NPM3: variants seen among roughly 807,000 people sequenced by gnomAD.
NPM3 encodes nucleoplasmin-3.
In NPM3, 12 loss-of-function variants were observed where a neutral mutation model predicts 18.1. The ratio of observed to expected loss-of-function variants is 0.66; its 90% confidence interval spans 0.42 to 1.07. NPM3 has a LOEUF of 1.07. Among genes scored for constraint, NPM3 ranks in the 50% least tolerant of loss-of-function variants. NPM3 has a pLI of 0.00. For missense variants in NPM3, 274 were observed against 232.1 expected (o/e 1.18, Z -1.17); for synonymous variants, 116 against 93.7 (o/e 1.24, Z -1.38).
intron 1 of NPM3, 93 bp downstream of exon 1, chr10:101,783,180 C>T: frequency 9.7e-7 from 1 of 1,026,030 alleles, no homozygotes; most frequent in South Asian, 1.5e-5. Flanking sequence ...GCCCTCCGCC[C>T]ACACCCACGC....
chr10:101,782,358 G>A lies in NPM3; in HGVS notation c.325-7C>T, dbSNP rs754479783. The A allele has an allele frequency of 2.5e-5, 40 of 1,613,390 alleles. No individual in the cohort carries two copies. The highest frequency in any genetic ancestry group is 1.1e-4 in the East Asian group (5 of 44,860). On this transcript the variant is annotated splice_polypyrimidine_tract_variant and splice_region_variant and intron_variant, in intron 3 of 5. Transcript: ENST00000370110. ...GGAAGTCATCCAGACTGAGCTGGGA[G>A]GAAGACAAGGATGAAGGCCTGGCCC...
At chr10:101,783,168 C>T in intron 1 of NPM3, 105 bp downstream of exon 1, 1 of 950,618 alleles carries the variant, frequency 1.1e-6, no homozygotes, top group Non-Finnish European at 1.6e-6. Flanking sequence ...AACAGCGAAG[C>T]AGCCCTCCGC....
intron 1 of NPM3, 96 bp downstream of exon 1, chr10:101,783,177 G>T: frequency 2.0e-6 from 2 of 1,003,162 alleles, no homozygotes; most frequent in South Asian, 1.5e-5. Flanking sequence ...GCAGCCCTCC[G>T]CCCACACCCA....
exon 4 of NPM3, chr10:101,782,335 A>AAGTCATCCAGACTGAGCTGGG (rs1589817543): frequency 6.2e-7 from 1 of 1,613,936 alleles, no homozygotes; most frequent in Non-Finnish European, 8.5e-7. Flanking sequence ...TTGGAGCTGG[A>AAGTCATCCAGACTGAGCTGGG]AGTCATCCAG....
At chr10:101,783,207 T>C in intron 1 of NPM3, 66 bp downstream of exon 1, 2 of 1,234,412 alleles carry the variant, frequency 1.6e-6, no homozygotes, top group East Asian at 2.4e-5. Context: ...ACCCTCCGCA[T>C]TCCCGCCTCA....
chr10:101,782,793 G>A (rs1395286727), intron 2 of NPM3, 46 bp downstream of exon 2: 7 of 1,601,782 alleles, frequency 4.4e-6, no homozygotes, highest in Non-Finnish European at 6.0e-6. Context: ...GACCTATATT[G>A]CCTGCCTGGG....
At chr10:101,783,285 T>G in exon 1 of NPM3, 1 of 1,606,192 alleles carries the variant, frequency 6.2e-7, no homozygotes, top group Non-Finnish European at 8.5e-7. Flanking sequence ...AAGAAAAAAC[T>G]GTCCATAGTG....
intron 1 of NPM3, 110 bp from the exon 2 acceptor site, chr10:101,783,034 G>A (rs1280733513): frequency 1.1e-6 from 1 of 936,592 alleles, no homozygotes; most frequent in East Asian, 2.5e-5. Flanking sequence ...TCATTTACAC[G>A]TCCACCTCCG....
intron 4 of NPM3, 123 bp downstream of exon 4, chr10:101,782,135 C>T (rs2065145798): frequency 2.1e-6 from 2 of 953,642 alleles, no homozygotes; most frequent in Non-Finnish European, 3.2e-6. Flanking sequence ...GCGTGGAGGG[C>T]ACACAGACCT....
At chr10:101,782,003 A>C in intron 4 of NPM3, 149 bp from the exon 5 acceptor site, 1 of 1,376,430 alleles carries the variant, frequency 7.3e-7, no homozygotes, top group East Asian at 2.3e-5. Context: ...TCAGACCCTA[A>C]ACTGGGTCAC....
exon 6 of NPM3, chr10:101,781,421 T>G (rs1490122141): frequency 2.5e-6 from 1 of 395,444 alleles, no homozygotes; most frequent in African/African-American, 2.1e-5. Flanking sequence ...AACCTCCAAT[T>G]CTCACAGGCA....
intron 1 of NPM3, 52 bp downstream of exon 1, chr10:101,783,221 C>A (rs549336193): frequency 1.5e-6 from 2 of 1,338,460 alleles, no homozygotes; most frequent in Non-Finnish European, 2.1e-6. Flanking sequence ...CGCCTCACAT[C>A]CCTACCTCTT....
intron 1 of NPM3, 96 bp from the exon 2 acceptor site, chr10:101,783,020 C>T: frequency 8.6e-7 from 1 of 1,164,344 alleles, no homozygotes; most frequent in Non-Finnish European, 1.2e-6. Flanking sequence ...CTTGGGCGGA[C>T]GGGTCATTTA....
exon 4 of NPM3, chr10:101,782,329 A>C: frequency 1.9e-6 from 3 of 1,613,948 alleles, no homozygotes; most frequent in Non-Finnish European, 2.5e-6. Flanking sequence ...AGGTGGTTGG[A>C]GCTGGAAGTC....
exon 1 of NPM3, chr10:101,783,356 A>G (rs2065158601): frequency 6.2e-7 from 1 of 1,612,246 alleles, no homozygotes; most frequent in Non-Finnish European, 8.5e-7. Context: ...CTCCTGACTC[A>G]AAAACGCTAA....
At chr10:101,782,755 A>G in intron 2 of NPM3, 84 bp downstream of exon 2, 1 of 1,574,804 alleles carries the variant, frequency 6.3e-7, no homozygotes, top group Non-Finnish European at 8.7e-7. Flanking sequence ...TGTGTCTCCA[A>G]GTAAAGGGGA....
At chr10:101,781,495 C>T (rs2065140291) in exon 6 of NPM3, 1 of 546,610 alleles carries the variant, frequency 1.8e-6, no homozygotes, top group African/African-American at 1.9e-5. Flanking sequence ...GAGCACAGGC[C>T]CTCTCCTAGC....
intron 4 of NPM3, among the ~76,000 whole-genome samples, 197 bp downstream of exon 4, chr10:101,782,061 T>G (rs1171257655): frequency 6.6e-6 from 1 of 152,118 alleles, no homozygotes; most frequent in African/African-American, 2.4e-5. Context: ...AGTTGGGCCA[T>G]GTTCCATGGA....
At chr10:101,783,043 C>A in intron 1 of NPM3, 119 bp from the exon 2 acceptor site, 1 of 906,520 alleles carries the variant, frequency 1.1e-6, no homozygotes, top group East Asian at 2.6e-5. Context: ...CGTCCACCTC[C>A]GTCTCTTCTC....
Sources: allele counts gnomAD v4.1 joint callset (sites outside exome capture counted in the v4.1 genomes callset), GRCh38; gene constraint gnomAD v4.1.1; transcripts MANE v1.5; gene names NCBI Gene and HGNC (gene_info 2026-07-23, HGNC 2026-07-21).